Variants in MOXD1 observed in about 807,000 individuals in gnomAD.
MOXD1 encodes DBH-like monooxygenase protein 1.
Under a neutral mutation model 66.6 loss-of-function variants are expected in MOXD1, and 62 were observed. That is an observed-to-expected ratio of 0.93 (90% CI 0.76 to 1.15). The LOEUF (loss-of-function observed/expected upper bound fraction) is 1.15. Among genes scored for constraint, MOXD1 ranks in the 50% most tolerant of loss-of-function variants. The probability of loss-of-function intolerance (pLI) is 0.00; values close to 1 mark genes in which losing one functional copy is unlikely to be tolerated. For synonymous variants in MOXD1, 303 were observed against 281.9 expected (o/e 1.07, Z -0.75); for missense variants, 847 against 754.6 (o/e 1.12, Z -1.44).
rs910640940 is a variant in MOXD1 at position 132,297,290 on chromosome 6, C to T, written c.1705G>A (p.Asp569Asn). Reference sequence around the variant, plus strand: ...TCTGCTTTATAGGGTCTTTCTATATCTGGAGGTAATGCTGTCATTCCTTGA... The same window carrying T: ...TCTGCTTTATAGGGTCTTTCTATATTTGGAGGTAATGCTGTCATTCCTTGA... ...SIQGMTALPP[D>N]IERPYKAEPL... Residue 569 changes from aspartate to asparagine, a missense_variant, in exon 12 of 12, where the codon GAT (aspartate) becomes AAT (asparagine). Physicochemically the swap from Asp to Asn is conservative, Grantham distance 23. Transcript: ENST00000367963. 2.5e-6 allele frequency: 4 copies of T among 1,613,098 alleles called. No individual in the cohort carries two copies. The African/African-American group carries it at 4.0e-5, about 16-fold the overall frequency.
At chr6:132,369,848 C>G (rs1242340985) in intron 4 of MOXD1, among the ~76,000 whole-genome samples, 1 of 152,036 alleles carries the variant, frequency 6.6e-6, no homozygotes, top group Admixed American at 6.6e-5. Flanking sequence ...CTGGAATCTT[C>G]CATTTAATAT....
intron 2 of MOXD1, among the ~76,000 whole-genome samples, chr6:132,373,984 A>G (rs1342062336): frequency 6.6e-6 from 1 of 152,148 alleles, no homozygotes; most frequent in Non-Finnish European, 1.5e-5. Flanking sequence ...TATTTTTTAC[A>G]TTCCCATTTT....
chr6:132,372,705 A>C lies in MOXD1; in HGVS notation c.580-14T>G. ...TGGGATGGGGACCTGTCTTAATAAA[A>C]AGGGGAGGAAGACACAAAGTCACCT... On this transcript the variant is annotated splice_polypyrimidine_tract_variant and intron_variant, in intron 3 of 11. Transcript: ENST00000367963. 1.9e-6 allele frequency: 3 copies of C among 1,612,118 alleles called. No individual in the cohort carries two copies. The highest frequency in any genetic ancestry group is 2.5e-6 in the Non-Finnish European group (3 of 1,178,204).
chr6:132,320,813 G>T (rs1775063378), intron 8 of MOXD1, 125 bp from the exon 9 acceptor site: 1 of 728,994 alleles, frequency 1.4e-6, no homozygotes, highest in Admixed American at 2.7e-5. Context: ...TCATTCAGCA[G>T]AAGACCCCTG....
intron 4 of MOXD1, among the ~76,000 whole-genome samples, chr6:132,336,986 G>T (rs183590757): frequency 2.1e-4 from 32 of 152,206 alleles, no homozygotes; most frequent in Non-Finnish European, 4.1e-4. Flanking sequence ...AACCTCCAGG[G>T]ATGATGTTTC....
At chr6:132,305,441 A>C (rs933752873) in intron 10 of MOXD1, among the ~76,000 whole-genome samples, 4 of 152,244 alleles carry the variant, frequency 2.6e-5, no homozygotes, top group African/African-American at 7.2e-5. Context: ...TCCTCCTGGT[A>C]GCTCTGAGGA....
At chr6:132,366,622 T>C (rs1776147201) in intron 4 of MOXD1, among the ~76,000 whole-genome samples, 1 of 152,178 alleles carries the variant, frequency 6.6e-6, no homozygotes, top group Admixed American at 6.6e-5. Context: ...ACATTGAGAA[T>C]GCTTAAATTC....
At chr6:132,320,272 C>A (rs1349473759) in intron 9 of MOXD1, among the ~76,000 whole-genome samples, 1 of 152,122 alleles carries the variant, frequency 6.6e-6, no homozygotes, top group African/African-American at 2.4e-5. Context: ...TCATGAAATT[C>A]ATTCTTCATT....
At chr6:132,396,857 G>A (rs773395210) in intron 1 of MOXD1, among the ~76,000 whole-genome samples, 1 of 152,190 alleles carries the variant, frequency 6.6e-6, no homozygotes, top group Non-Finnish European at 1.5e-5. Context: ...CCAACAATCA[G>A]TAATGAGATT....
At chr6:132,320,994 C>T (rs755700032) in intron 8 of MOXD1, among the ~76,000 whole-genome samples, 5 of 152,150 alleles carry the variant, frequency 3.3e-5, no homozygotes, top group Non-Finnish European at 5.9e-5. Flanking sequence ...GGCCCTGGCA[C>T]GGTGGCTCAC....
At chr6:132,395,819 G>A (rs1776857689) in intron 1 of MOXD1, among the ~76,000 whole-genome samples, 2 of 152,096 alleles carry the variant, frequency 1.3e-5, no homozygotes, top group Non-Finnish European at 2.9e-5. Flanking sequence ...AACTCAGCAA[G>A]AGCTGCATAT....
chr6:132,333,740 G>C (rs1165865745), intron 4 of MOXD1, among the ~76,000 whole-genome samples: 1 of 152,208 alleles, frequency 6.6e-6, no homozygotes, highest in Non-Finnish European at 1.5e-5. Context: ...GGGGTGTACA[G>C]ACCCAGAATG....
rs1362007774 is a variant in MOXD1 at position 132,327,996 on chromosome 6, A to G, written c.946+17T>C. 5 of 1,589,772 alleles carry G rather than the reference A, an allele frequency of 3.1e-6. No homozygotes were observed. Among genetic ancestry groups the G allele is most frequent in the Admixed American group, 3.4e-5 (2 of 59,070 alleles). ...TTTATAAAAATCATAGGTAAAACAT[A>G]TGAATAATAAACTCACCTTCCTCAT... On this transcript the variant is annotated intron_variant, in intron 6 of 11. Coordinates refer to ENST00000367963, the MANE Select transcript of MOXD1 (RefSeq NM_015529.4).
Position 132,401,165 on chromosome 6 carries a change from G to C in MOXD1, c.262C>G (p.Gln88Glu). 1 of 1,516,024 alleles carries C rather than the reference G, an allele frequency of 6.6e-7. No homozygotes were observed. 93.9% of individuals were successfully genotyped at this position (1,516,024 alleles called of 1,614,324 possible). ...GGVAHGRPYL[Q>E]DYFTNANREL... ...GCTCCGGGAGGAGACGCGCTTACCTGGAGGTAGGGCCGCCCGTGGGCCACC... is the reference window on the plus strand; with the variant it reads ...GCTCCGGGAGGAGACGCGCTTACCTCGAGGTAGGGCCGCCCGTGGGCCACC... The change falls in exon 1 of 12, where the codon CAG (glutamine) becomes GAG (glutamate). Residue 88 changes from glutamine to glutamate, a missense_variant and splice_region_variant. By Grantham distance (29) the Gln-to-Glu change is conservative. Transcript: ENST00000367963.
At chr6:132,394,142 T>C (rs907190669) in intron 1 of MOXD1, among the ~76,000 whole-genome samples, 13 of 151,982 alleles carry the variant, frequency 8.6e-5, no homozygotes, top group African/African-American at 3.1e-4. Context: ...CAGCAAAACT[T>C]CACCACAACC....
At chr6:132,344,834 C>A (rs927348885) in intron 4 of MOXD1, among the ~76,000 whole-genome samples, 3 of 152,130 alleles carry the variant, frequency 2.0e-5, no homozygotes. Context: ...AATAGGCTGC[C>A]CAACTCGTGT....
chr6:132,309,323 G>A (rs1774770776), intron 10 of MOXD1, among the ~76,000 whole-genome samples: 3 of 152,046 alleles, frequency 2.0e-5, no homozygotes, highest in Non-Finnish European at 4.4e-5. Context: ...GGGATGTGAA[G>A]GACCTCTTTA....
chr6:132,365,350 G>A (rs1298271659), intron 4 of MOXD1, among the ~76,000 whole-genome samples: 1 of 152,094 alleles, frequency 6.6e-6, no homozygotes, highest in Non-Finnish European at 1.5e-5. Context: ...CTTCAAGGGA[G>A]GCAGTGGCGT....
At chr6:132,308,090 G>GAA (rs202147021) in intron 10 of MOXD1, among the ~76,000 whole-genome samples, 6,798 of 136,454 alleles carry the variant, frequency 0.05, 443 homozygotes, top group East Asian at 0.33. Context: ...GTGGTTTTTT[G>GAA]AAAAAAAAAA....
Sources: allele counts gnomAD v4.1 joint callset (sites outside exome capture counted in the v4.1 genomes callset), GRCh38; gene constraint gnomAD v4.1.1; transcripts MANE v1.5; gene names NCBI Gene and HGNC (gene_info 2026-07-23, HGNC 2026-07-21).